Variants in NPC1 observed in about 807,000 individuals in gnomAD.
The protein encoded by NPC1 is Niemann-Pick C1 protein.
NPC1 carries 85 observed loss-of-function variants against 140.4 expected under a neutral mutation model. The observed-to-expected ratio is 0.61, with a 90% CI of 0.51 to 0.72. The LOEUF is 0.72. Among genes scored for constraint, NPC1 ranks in the 30% least tolerant of loss-of-function variants. The pLI, the probability that NPC1 is intolerant of heterozygous loss-of-function variation, is 0.00. For missense variants in NPC1, 1,504 were observed against 1,623.8 expected (o/e 0.93, Z 1.27); for synonymous variants, 656 against 624.8 (o/e 1.05, Z -0.74).
At chr18:23,564,128 G>A (rs1401045471) in intron 4 of NPC1, among the ~76,000 whole-genome samples, 1 of 150,884 alleles carries the variant, frequency 6.6e-6, no homozygotes, top group Non-Finnish European at 1.5e-5. Context: ...GGGATTACAG[G>A]CGCACATCAC....
intron 6 of NPC1, among the ~76,000 whole-genome samples, chr18:23,558,332 C>T (rs964677732): frequency 6.6e-6 from 1 of 152,184 alleles, no homozygotes; most frequent in Non-Finnish European, 1.5e-5. Context: ...TCAAGGTTAA[C>T]ATCACCAGGA....
At chr18:23,541,508 C>T in intron 14 of NPC1, 75 bp from the exon 15 acceptor site, 2 of 1,598,126 alleles carry the variant, frequency 1.3e-6, no homozygotes, top group Non-Finnish European at 8.6e-7. Context: ...TGTTCATGTG[C>T]ATGTACAGAT....
At chr18:23,553,078 G>A (rs1249944145) in intron 9 of NPC1, among the ~76,000 whole-genome samples, 1 of 152,200 alleles carries the variant, frequency 6.6e-6, no homozygotes, top group African/African-American at 2.4e-5. Flanking sequence ...GGGTTATGAG[G>A]ACGCGCACAA....
At chr18:23,526,785 C>A (rs773383433), downstream of NPC1, 3 of 1,612,146 alleles carry the variant, frequency 1.9e-6, no homozygotes, top group South Asian at 3.3e-5. Flanking sequence ...ATCCTTCCCC[C>A]TTGCTCTGAT....
downstream of NPC1, chr18:23,524,497 A>G (rs1179592281): frequency 6.2e-7 from 1 of 1,613,264 alleles, no homozygotes; most frequent in East Asian, 2.2e-5. Flanking sequence ...GTCAGCGGGG[A>G]CAGTTGTCGT....
At chr18:23,582,806 GAA>G (rs5823397) in intron 1 of NPC1, among the ~76,000 whole-genome samples, 412 of 138,008 alleles carry the variant, frequency 3.0e-3, no homozygotes, top group Middle Eastern at 7.8e-3. Flanking sequence ...ACCTGGTCTT[GAA>G]AAAAAAAAAA....
chr18:23,530,985 ATTGG>A (rs2058482344), downstream of NPC1, among the ~76,000 whole-genome samples: 1 of 152,008 alleles, frequency 6.6e-6, no homozygotes, highest in Non-Finnish European at 1.5e-5. Flanking sequence ...TGAAGTATAC[ATTGG>A]TTGATCATTC....
Position 23,586,222 on chromosome 18 carries a change from G to A in NPC1, c.57+65C>T, listed in dbSNP as rs1477628117. ...GGCCTGAGCCGTCGCTGGGCCCGTC[G>A]CCTTCCCCGGCTCTCGGCCCCGCCA... On this transcript the variant is annotated intron_variant, in intron 1 of 24. Transcript: ENST00000269228. 5 of 1,505,406 alleles carry A rather than the reference G, an allele frequency of 3.3e-6. No homozygotes were observed. The African/African-American group carries it at 5.6e-5, about 17-fold the overall frequency. 93.3% of individuals were successfully genotyped at this position (1,505,406 alleles called of 1,614,324 possible). A position where few individuals can be genotyped will look rare whatever the true frequency, so the allele number is the denominator to read the frequency against.
chr18:23,533,266 T>C, intron 24 of NPC1, 89 bp downstream of exon 24: 1 of 1,329,762 alleles, frequency 7.5e-7, no homozygotes, highest in Non-Finnish European at 1.1e-6. Flanking sequence ...TAGTATGAGT[T>C]CAAATACTTG....
chr18:23,509,157 TATTA>T, intron 3 of NPC1: 2 of 847,896 alleles, frequency 2.4e-6, no homozygotes, highest in South Asian at 6.7e-5. Flanking sequence ...TGTTTTTTCT[TATTA>T]ATTAAAAATA....
Position 23,540,137 on chromosome 18 carries a change from C to T in NPC1, c.2605-136G>A, listed in dbSNP as rs958718429. ...CTCCAGCTGGACTCATGATTCCTAA[C>T]ACCACCAGTCTTCCCCCCAGGGCCC... is the stretch of plus-strand genomic sequence containing the variant. On this transcript the variant is annotated intron_variant, in intron 17 of 24. Coordinates refer to ENST00000269228, the MANE Select transcript of NPC1 (RefSeq NM_000271.5). 61 of 773,756 alleles carry T rather than the reference C, an allele frequency of 7.9e-5. No homozygotes were observed. The African/African-American group carries it at 9.9e-4, about 13-fold the overall frequency. The allele number at this position is 773,756 out of a possible 1,614,324, so 47.9% of individuals were successfully genotyped here.
downstream of NPC1, among the ~76,000 whole-genome samples, chr18:23,521,872 C>T (rs1372890384): frequency 3.3e-5 from 5 of 152,156 alleles, no homozygotes; most frequent in African/African-American, 4.8e-5. Flanking sequence ...GCCTGTCCCT[C>T]GCAGCAGTCT....
intron 12 of NPC1, among the ~76,000 whole-genome samples, chr18:23,544,739 TAAG>T (rs1228255309): frequency 6.6e-6 from 1 of 151,956 alleles, no homozygotes; most frequent in Non-Finnish European, 1.5e-5. Flanking sequence ...ACTGGACAAA[TAAG>T]AAAAAACTGG....
intron 3 of NPC1, 91 bp downstream of exon 3, chr18:23,571,983 A>G: frequency 1.5e-6 from 1 of 670,390 alleles, no homozygotes. Context: ...AATAAATAAA[A>G]ATATGTAAAC....
At chr18:23,553,374 G>C (rs1014730289) in intron 9 of NPC1, among the ~76,000 whole-genome samples, 1 of 152,170 alleles carries the variant, frequency 6.6e-6, no homozygotes, top group Non-Finnish European at 1.5e-5. Flanking sequence ...GGAGAATGCC[G>C]GTTTAGGGTA....
At chr18:23,573,671 T>C in intron 1 of NPC1, 97 bp from the exon 2 acceptor site, 2 of 1,435,268 alleles carry the variant, frequency 1.4e-6, no homozygotes, top group Non-Finnish European at 2.0e-6. Flanking sequence ...AAACTTCCAA[T>C]GCTACCTGCA....
At chr18:23,534,046 T>C (rs1598933846) in intron 23 of NPC1, 1 of 347,594 alleles carries the variant, frequency 2.9e-6, no homozygotes, top group East Asian at 6.9e-5. Context: ...TAGTTTTTAC[T>C]CTTTACCAGG....
intron 4 of NPC1, among the ~76,000 whole-genome samples, chr18:23,565,529 T>TA (rs2059112024): frequency 6.6e-6 from 1 of 152,164 alleles, no homozygotes; most frequent in African/African-American, 2.4e-5. Flanking sequence ...CTAATTTTTA[T>TA]ATTTTTAGTA....
At chr18:23,529,748 A>G (rs183272871), downstream of NPC1, 410 of 1,564,530 alleles carry the variant, frequency 2.6e-4, 1 homozygote, top group East Asian at 8.9e-3. Flanking sequence ...GTTAAAACAG[A>G]AGGAATTTAA....
Sources: gnomAD v4.1 joint callset for allele counts (sites outside exome capture counted in the v4.1 genomes callset) on GRCh38, gnomAD v4.1.1 for gene constraint, MANE v1.5 for transcripts, NCBI Gene and HGNC (gene_info 2026-07-23, HGNC 2026-07-21) for gene names.